DPPA2: variants seen among roughly 807,000 people sequenced by gnomAD.
The protein encoded by DPPA2 is developmental pluripotency associated 2, also known as developmental pluripotency-associated protein 2.
In DPPA2, 26 loss-of-function variants were observed where a neutral mutation model predicts 36.2. The ratio of observed to expected loss-of-function variants is 0.72; its 90% CI spans 0.53 to 1.00. DPPA2 has a LOEUF of 1.00. Ranked by LOEUF, DPPA2 falls within the 50% of genes least tolerant of loss-of-function variation. The pLI, the probability that DPPA2 is intolerant of heterozygous loss-of-function variation, is 0.00. For missense variants in DPPA2, 361 were observed against 365.1 expected, an observed-to-expected ratio of 0.99 and a Z score of 0.09; for synonymous variants, 113 against 123.2, an observed-to-expected ratio of 0.92 and a Z score of 0.55.
chr3:109,310,536 C>T (rs868280477), intron 3 of DPPA2, among the ~76,000 whole-genome samples: 53 of 149,956 alleles, frequency 3.5e-4, no homozygotes, highest in African/African-American at 1.1e-3. Flanking sequence ...GACGGAGTTT[C>T]GCTCTATTGC....
chr3:109,294,233 C>CT (rs1242007928), intron 8 of DPPA2, among the ~76,000 whole-genome samples: 1 of 152,154 alleles, frequency 6.6e-6, no homozygotes, highest in East Asian at 1.9e-4. Context: ...ATTTCAAAGA[C>CT]TAATGATACC....
chr3:109,299,202 A>C, intron 8 of DPPA2, among the ~76,000 whole-genome samples: 1 of 120,526 alleles, frequency 8.3e-6, no homozygotes, highest in South Asian at 2.6e-4. Context: ...TACTAAACAT[A>C]CCAAAAAAAA....
intron 8 of DPPA2, among the ~76,000 whole-genome samples, chr3:109,295,848 G>T (rs1205216657): frequency 6.6e-6 from 1 of 152,028 alleles, no homozygotes; most frequent in African/African-American, 2.4e-5. Flanking sequence ...CAAGTGGGAA[G>T]ATGGAAATTC....
chr3:109,310,986 G>C (rs1330818776), intron 3 of DPPA2, among the ~76,000 whole-genome samples: 2 of 151,934 alleles, frequency 1.3e-5, no homozygotes, highest in African/African-American at 2.4e-5. Context: ...ATTTTTTGTA[G>C]AGACAGGGTT....
In DPPA2 at chr3:109,298,426, A is replaced by G. The variant is rs954119381; in HGVS notation, c.*22+1945T>C. 5.3e-5 allele frequency among the ~76,000 whole-genome samples: 8 copies of G among 151,774 alleles called. No individual in the cohort carries two copies. The East Asian group carries it at 1.4e-3, about 26-fold the overall frequency. On this transcript the variant is annotated intron_variant, in intron 8 of 8. Transcript: ENST00000478945. Reference sequence around the variant, plus strand: ...GAGACCCCATCTCTATAAAAAAATAATAAAATAGCCGGGCACGGTGGCTCA... The same window carrying G: ...GAGACCCCATCTCTATAAAAAAATAGTAAAATAGCCGGGCACGGTGGCTCA...
At chr3:109,308,589 T>C (rs1423800461) in intron 5 of DPPA2, among the ~76,000 whole-genome samples, 3 of 152,180 alleles carry the variant, frequency 2.0e-5, no homozygotes, top group Non-Finnish European at 4.4e-5. Flanking sequence ...CTCGAACTCC[T>C]GACCTCAGGT....
intron 1 of DPPA2, among the ~76,000 whole-genome samples, chr3:109,315,866 GAATAAATA>G (rs937794358): frequency 6.6e-6 from 1 of 151,504 alleles, no homozygotes; most frequent in Non-Finnish European, 1.5e-5. Flanking sequence ...TCATCTCTAT[GAATAAATA>G]AATAAATAAA....
At chr3:109,301,656 A>T (rs9832915) in intron 7 of DPPA2, among the ~76,000 whole-genome samples, 3,639 of 131,684 alleles carry the variant, frequency 0.028, 153 homozygotes, top group African/African-American at 0.095. Flanking sequence ...CATCTCAAAT[A>T]AAAAAAAAAT....
At position 109,304,476 on chromosome 3, in the gene DPPA2, T is replaced by G. The variant is rs779066413; in HGVS notation, c.853A>C (p.Arg285=). 1 of 1,610,230 alleles carries G rather than the reference T, an allele frequency of 6.2e-7. No homozygotes were observed. Among genetic ancestry groups the G allele is most frequent in the Non-Finnish European group, 8.5e-7 (1 of 1,178,244 alleles). The stretch of plus-strand genomic sequence containing the variant: ...CTTAACAAGATACATAAGGGTTACC[T>G]CTTAGCACAGTCGGGGCATAACATA... ...DNMLCPDCAK[R]NKKMMKRLMT... The change falls in exon 7 of 9, where the codon AGG becomes CGG. Residue 285 remains arginine, a splice_region_variant and synonymous_variant. Coordinates refer to ENST00000478945, the MANE Select transcript of DPPA2 (RefSeq NM_138815.4).
At chr3:109,301,825 C>G (rs1302272555) in intron 7 of DPPA2, among the ~76,000 whole-genome samples, 1 of 152,154 alleles carries the variant, frequency 6.6e-6, no homozygotes, top group East Asian at 1.9e-4. Context: ...GCTCTCTCTT[C>G]CTGCCAGGCT....
At chr3:109,305,501 G>A (rs189509115) in intron 6 of DPPA2, among the ~76,000 whole-genome samples, 262 of 151,842 alleles carry the variant, frequency 1.7e-3, no homozygotes, top group African/African-American at 5.9e-3. Flanking sequence ...CAGGCTGGGC[G>A]TGGTGGCTTA....
chr3:109,305,761 T>G (rs1707549185), intron 6 of DPPA2, among the ~76,000 whole-genome samples: 1 of 122,266 alleles, frequency 8.2e-6, no homozygotes, highest in Admixed American at 9.9e-5. Context: ...ACAACAAGAG[T>G]GAAACTCCAT....
chr3:109,312,764 G>A lies in DPPA2; in HGVS notation c.34-72C>T, dbSNP rs1170939830. The A allele has an allele frequency of 5.1e-6, 8 of 1,564,862 alleles. No homozygotes were observed. In the South Asian group the frequency reaches 9.4e-5, roughly 18 times the overall value. On this transcript the variant is annotated intron_variant, in intron 2 of 8. Coordinates refer to ENST00000478945, the MANE Select transcript of DPPA2 (RefSeq NM_138815.4). ...TAAACTGCTTGCTTTCAAGGCAAAA[G>A]TCATGAATAAGGAACTGAGAAGACA...
chr3:109,302,540 G>A (rs541102097), intron 7 of DPPA2, among the ~76,000 whole-genome samples: 32 of 151,878 alleles, frequency 2.1e-4, no homozygotes, highest in Non-Finnish European at 4.6e-4. Flanking sequence ...TGCAACCTCC[G>A]CCTCCCGTAT....
At chr3:109,306,694 G>C (rs747237497) in intron 6 of DPPA2, among the ~76,000 whole-genome samples, 2 of 151,668 alleles carry the variant, frequency 1.3e-5, no homozygotes, top group South Asian at 2.1e-4. Flanking sequence ...CCCCAGGCGC[G>C]GTAGCTCACG....
rs146259145 is a variant in DPPA2, at chr3:109,296,951, A to G, written c.*23-2947T>C. On this transcript the variant is annotated intron_variant, in intron 8 of 8. Coordinates refer to ENST00000478945, the MANE Select transcript of DPPA2 (RefSeq NM_138815.4). The stretch of plus-strand genomic sequence containing the variant: ...AAAAAAATAGAAAAATTAGCCAGGC[A>G]TGGTAATGTGCACCTGTAGTCCCAG... 4.6e-3 allele frequency among the ~76,000 whole-genome samples: 700 copies of G among 152,116 alleles called. 4 individuals are homozygous for G. The highest frequency in any genetic ancestry group is 5.0e-3 in the Non-Finnish European group (343 of 68,002).
At chr3:109,314,237 T>C (rs1707754321) in intron 2 of DPPA2, among the ~76,000 whole-genome samples, 1 of 152,220 alleles carries the variant, frequency 6.6e-6, no homozygotes. Flanking sequence ...CTTGTCCAGC[T>C]ATAGCACTTC....
intron 6 of DPPA2, among the ~76,000 whole-genome samples, chr3:109,307,603 C>CAAAAAAAA (rs769445059): frequency 9.1e-5 from 4 of 43,806 alleles, no homozygotes; most frequent in Admixed American, 2.5e-4. Flanking sequence ...AACTCCATCT[C>CAAAAAAAA]AAAAAAAAAA....
In DPPA2 at chr3:109,307,557, C is replaced by T. The variant is rs144670287; in HGVS notation, c.658+475G>A. On this transcript the variant is annotated intron_variant, in intron 6 of 8. Transcript: ENST00000478945. Reference sequence around the variant, plus strand: ...GGCAGAGGTTGCAGTGAGCCAAGATCGCGCCATTGCACTCCAGCCTGGGCA... The same window carrying T: ...GGCAGAGGTTGCAGTGAGCCAAGATTGCGCCATTGCACTCCAGCCTGGGCA... Among the ~76,000 whole-genome samples the T allele has an allele frequency of 7.3e-3, 1,057 of 145,568 alleles. 16 individuals carry two copies. Among genetic ancestry groups the T allele is most frequent in the African/African-American group, 0.024 (941 of 38,954 alleles).
Sources: gnomAD v4.1 joint callset for allele counts (sites outside exome capture counted in the v4.1 genomes callset) on GRCh38, gnomAD v4.1.1 for gene constraint, MANE v1.5 for transcripts, NCBI Gene and HGNC (gene_info 2026-07-23, HGNC 2026-07-21) for gene names.